SEC14L3: variants seen among roughly 807,000 people sequenced by gnomAD.
SEC14L3 encodes SEC14-like protein 3.
In SEC14L3, 56 loss-of-function variants were observed where a neutral mutation model predicts 57.4. The observed-to-expected ratio is 0.97, with a 90% confidence interval of 0.79 to 1.22. The LOEUF is 1.22. Among genes scored for constraint, SEC14L3 ranks in the 50% most tolerant of loss-of-function variants. The probability of loss-of-function intolerance (pLI) is 0.00; values close to 1 mark genes in which losing one functional copy is unlikely to be tolerated. For missense variants in SEC14L3, 485 were observed against 511.7 expected (o/e 0.95, Z 0.50); for synonymous variants, 173 against 194.4 (o/e 0.89, Z 0.92).
chr22:30,448,675 A>T (rs545222624), exon 13 of SEC14L3: 1 of 156,960 alleles, frequency 6.4e-6, no homozygotes, highest in East Asian at 1.8e-4. Context: ...ATTTGAGACC[A>T]GCCTGGGCAA....
intron 2 of SEC14L3, 41 bp from the exon 3 acceptor site, chr22:30,470,296 C>T (rs956841913): frequency 4.4e-6 from 7 of 1,605,908 alleles, no homozygotes; most frequent in Non-Finnish European, 6.0e-6. Context: ...AGGAAAGATG[C>T]CTTGTCTTAC....
chr22:30,461,026 G>T (rs893623663), intron 11 of SEC14L3, among the ~76,000 whole-genome samples: 1 of 152,102 alleles, frequency 6.6e-6, no homozygotes, highest in Non-Finnish European at 1.5e-5. Context: ...CAGAGCCTCG[G>T]TTTCCTCATG....
chr22:30,449,469 C>T (rs1934938036), intron 12 of SEC14L3, among the ~76,000 whole-genome samples: 1 of 152,162 alleles, frequency 6.6e-6, no homozygotes, highest in Admixed American at 6.5e-5. Context: ...CAGAACCCTA[C>T]TTGTCTGGTC....
chr22:30,465,527 C>T, intron 7 of SEC14L3, among the ~76,000 whole-genome samples: 1 of 151,760 alleles, frequency 6.6e-6, no homozygotes, highest in African/African-American at 2.4e-5. Flanking sequence ...ACCAGCCAGC[C>T]AACCATCCAA....
intron 7 of SEC14L3, 55 bp downstream of exon 7, chr22:30,466,279 C>G (rs1459232755): frequency 6.6e-7 from 1 of 1,521,902 alleles, no homozygotes; most frequent in African/African-American, 1.4e-5. Flanking sequence ...TTATCACCCT[C>G]AGCGTACAGA....
rs1341216455 is a variant in SEC14L3 at position 30,461,378 on chromosome 22, G to T, written c.1013C>A (p.Pro338His). The T allele has an allele frequency of 1.9e-6, 3 of 1,614,028 alleles. No homozygotes were observed. The highest frequency in any genetic ancestry group is 1.3e-5 in the African/African-American group (1 of 75,042). ...QRAGEMTDVL[P>H]SQRYNAHMVP... ...CATGTGGGCGTTATAGCGCTGGCTG[G>T]GTAGAACATCTGTCATCTCCCCTGC... Residue 338 changes from proline to histidine, a missense_variant, in exon 11 of 12, where the codon CCC becomes CAC. Transcript: ENST00000215812.
chr22:30,459,590 T>G lies in SEC14L3; in HGVS notation c.*431A>C. 5 of 989,158 alleles carry G rather than the reference T, an allele frequency of 5.1e-6. No homozygotes were observed. Among genetic ancestry groups the G allele is most frequent in the Non-Finnish European group, 6.0e-6 (5 of 831,858 alleles). The allele number at this position is 989,158 out of a possible 1,614,324, so 61.3% of individuals were successfully genotyped here. On this transcript the variant is annotated 3_prime_UTR_variant, in exon 12 of 12. Transcript: ENST00000215812. The stretch of plus-strand genomic sequence containing the variant: ...TGCACCCTACCTTCTGGTCCTCCAT[T>G]CAATGCCACAAATATACACTGAGCA...
chr22:30,465,236 CAACT>C (rs1187915802), intron 7 of SEC14L3, among the ~76,000 whole-genome samples: 1 of 152,206 alleles, frequency 6.6e-6, no homozygotes, highest in South Asian at 2.1e-4. Flanking sequence ...ACAAACCAAC[CAACT>C]GACAACAAAT....
At chr22:30,452,013 A>AAAAAG (rs1934995110) in intron 12 of SEC14L3, among the ~76,000 whole-genome samples, 1 of 121,712 alleles carries the variant, frequency 8.2e-6, no homozygotes, top group African/African-American at 2.7e-5. Flanking sequence ...AAAAAAAGAA[A>AAAAAG]AAAGAAAAGA....
At chr22:30,460,253 G>A (rs1430256257) in intron 11 of SEC14L3, 111 bp from the exon 12 acceptor site, 10 of 1,514,566 alleles carry the variant, frequency 6.6e-6, no homozygotes, top group East Asian at 2.3e-5. Context: ...TGTTTGCCAA[G>A]CTGGGCCAAG....
chr22:30,455,007 GT>G (rs1334552481), downstream of SEC14L3, among the ~76,000 whole-genome samples: 4 of 66,212 alleles, frequency 6.0e-5, no homozygotes, highest in East Asian at 1.5e-3. Flanking sequence ...TATAATAGAT[GT>G]ATAATATATT....
intron 12 of SEC14L3, among the ~76,000 whole-genome samples, chr22:30,453,035 A>G (rs1468246937): frequency 2.6e-5 from 4 of 152,026 alleles, no homozygotes; most frequent in African/African-American, 4.8e-5. Context: ...AAGTTTTTCT[A>G]TTCTCAAGAG....
downstream of SEC14L3, among the ~76,000 whole-genome samples, chr22:30,454,538 T>A (rs1245878291): frequency 3.3e-5 from 4 of 121,388 alleles, no homozygotes; most frequent in Non-Finnish European, 6.6e-5. Flanking sequence ...TAATCTATAA[T>A]AATATTATAT....
intron 9 of SEC14L3, 46 bp downstream of exon 9, chr22:30,462,040 G>A: frequency 6.3e-7 from 1 of 1,578,328 alleles, no homozygotes; most frequent in Non-Finnish European, 8.7e-7. Flanking sequence ...AGGGAATCCA[G>A]CTTAATTCTT....
intron 12 of SEC14L3, among the ~76,000 whole-genome samples, chr22:30,453,438 A>G (rs1205150184): frequency 3.3e-5 from 5 of 152,092 alleles, no homozygotes; most frequent in African/African-American, 9.7e-5. Context: ...TTTGAAATGG[A>G]GTCTCGCTCC....
At chr22:30,471,754 C>T (rs970580756) in intron 1 of SEC14L3, 151 bp downstream of exon 1, 30 of 1,102,294 alleles carry the variant, frequency 2.7e-5, no homozygotes, top group Admixed American at 2.5e-4. Flanking sequence ...TACTGGGCAC[C>T]GTGGGGCTTG....
At position 30,461,342 on chromosome 22, in the gene SEC14L3, T is replaced by A. The variant is rs114566165; in HGVS notation, c.1049A>T (p.Asp350Val). The A allele has an allele frequency of 7.5e-4, 1,201 of 1,609,924 alleles. 4 individuals are homozygous for A. Among genetic ancestry groups the A allele is most frequent in the Middle Eastern group, 4.5e-3 (27 of 6,044 alleles). The change falls in exon 11 of 12, where the codon GAT (aspartate) becomes GTT (valine). Residue 350 changes from aspartate to valine, a missense_variant. Physicochemically the swap from Asp to Val is radical, Grantham distance 152. Coordinates refer to ENST00000215812, the MANE Select transcript of SEC14L3 (RefSeq NM_174975.5). ...QRYNAHMVPE[D>V]GNLTCSEAGV... The stretch of plus-strand genomic sequence containing the variant: ...GGCCTCTGAGCAGGTGAGGTTCCCA[T>A]CCTCGGGCACCATGTGGGCGTTATA...
At position 30,461,453 on chromosome 22, in the gene SEC14L3, T is replaced by C; in HGVS notation, c.938A>G (p.Asp313Gly). The C allele has an allele frequency of 6.2e-7, 1 of 1,613,866 alleles. No individual in the cohort carries two copies. The highest frequency in any genetic ancestry group is 8.5e-7 in the Non-Finnish European group (1 of 1,179,866). The change falls in exon 11 of 12, where the codon GAC becomes GGC. Residue 313 changes from aspartate to glycine, a missense_variant. Transcript: ENST00000215812. ...LRWQFSSDGA[D>G]IGFGVFLKTK... ...CTTCAGGAAAACTCCGAAGCCGATG[T>C]CCGCACCATCAGATGAGAACTGCCA... is the stretch of plus-strand genomic sequence containing the variant.
chr22:30,471,718 AC>A (rs1005320609), intron 1 of SEC14L3, among the ~76,000 whole-genome samples, 186 bp downstream of exon 1: 5 of 151,962 alleles, frequency 3.3e-5, no homozygotes, highest in Admixed American at 1.3e-4. Context: ...TAGTCCCTCA[AC>A]CCCCGCCCGG....
Sources: allele counts gnomAD v4.1 joint callset (sites outside exome capture counted in the v4.1 genomes callset), GRCh38; gene constraint gnomAD v4.1.1; transcripts MANE v1.5; gene names NCBI Gene and HGNC (gene_info 2026-07-23, HGNC 2026-07-21).